CCDC39: variants seen among roughly 807,000 people sequenced by gnomAD.
The protein encoded by CCDC39 is coiled-coil domain 39 molecular ruler complex subunit, also known as coiled-coil domain-containing protein 39.
Under a neutral mutation model 121.0 loss-of-function variants are expected in CCDC39, and 113 were observed. The ratio of observed to expected loss-of-function variants is 0.93; its 90% CI spans 0.80 to 1.09. The LOEUF is 1.09. CCDC39 is among the 50% of genes least tolerant of loss of function. The pLI is 0.00. For missense variants in CCDC39, 1,063 were observed against 1,074.7 expected, an observed-to-expected ratio of 0.99 and a Z score of 0.15; for synonymous variants, 349 against 352.2, an observed-to-expected ratio of 0.99 and a Z score of 0.10.
chr3:180,674,656 A>G (rs1302375027), intron 1 of CCDC39, among the ~76,000 whole-genome samples: 3 of 152,200 alleles, frequency 2.0e-5, no homozygotes, highest in African/African-American at 4.8e-5. Context: ...ACGGCCCATC[A>G]ATACCTAATT....
chr3:180,661,679 T>C (rs1191232027), intron 3 of CCDC39, among the ~76,000 whole-genome samples, 182 bp downstream of exon 3: 1 of 152,078 alleles, frequency 6.6e-6, no homozygotes, highest in Non-Finnish European at 1.5e-5. Flanking sequence ...AAATGTACTA[T>C]TCTATTATTG....
chr3:180,677,215 T>TA (rs1553807789), intron 1 of CCDC39, among the ~76,000 whole-genome samples: 3 of 110,424 alleles, frequency 2.7e-5, no homozygotes, highest in Non-Finnish European at 5.6e-5. Flanking sequence ...TATATATATA[T>TA]AAAATCACAG....
In CCDC39 at chr3:180,647,256, A is replaced by T. The variant is rs546555133; in HGVS notation, c.1363-13T>A. On this transcript the variant is annotated splice_polypyrimidine_tract_variant and intron_variant, in intron 10 of 19. Transcript: ENST00000476379. ...GAATGTGAAAATCCTGTTACAGTTTAAAAAAAAAAAGGTATTACAAAGAAA... is the reference window on the plus strand; with the variant it reads ...GAATGTGAAAATCCTGTTACAGTTTTAAAAAAAAAAGGTATTACAAAGAAA... 125 of 830,014 alleles carry T rather than the reference A, an allele frequency of 1.5e-4. 1 individual carries two copies. Among genetic ancestry groups the T allele is most frequent in the Middle Eastern group, 5.8e-4 (2 of 3,424 alleles). The allele number at this position is 830,014 out of a possible 1,614,324, so 51.4% of individuals were successfully genotyped here.
intron 14 of CCDC39, among the ~76,000 whole-genome samples, chr3:180,627,964 T>C (rs539486675): frequency 1.3e-5 from 2 of 152,264 alleles, no homozygotes; most frequent in South Asian, 4.1e-4. Flanking sequence ...ATAACTGGTA[T>C]CCTTATTAAA....
Position 180,616,503 on chromosome 3 carries a change from G to T in CCDC39, c.2586+13C>A, listed in dbSNP as rs550990897. 1.4e-5 allele frequency: 21 copies of T among 1,516,108 alleles called. No individual in the cohort carries two copies. The South Asian group carries it at 2.6e-4, about 18-fold the overall frequency. 93.9% of individuals were successfully genotyped at this position (1,516,108 alleles called of 1,614,324 possible). The stretch of plus-strand genomic sequence containing the variant: ...AGTTTTTAAGAAATATTTAATAGAA[G>T]GTGCTGTATTACCTGTTGAAAGTAT... On this transcript the variant is annotated intron_variant, in intron 18 of 19. Coordinates refer to ENST00000476379, the MANE Select transcript of CCDC39 (RefSeq NM_181426.2).
chr3:180,626,298 A>G (rs1717559133), intron 14 of CCDC39, among the ~76,000 whole-genome samples: 1 of 152,124 alleles, frequency 6.6e-6, no homozygotes, highest in African/African-American at 2.4e-5. Context: ...ATACTTGAGT[A>G]CTTGGGGGAT....
intron 10 of CCDC39, among the ~76,000 whole-genome samples, chr3:180,647,911 A>C (rs546395117): frequency 6.6e-6 from 1 of 152,200 alleles, no homozygotes; most frequent in Middle Eastern, 3.4e-3. Context: ...CAAATGTCTC[A>C]GGTTCCTTTA....
chr3:180,654,624 TAA>T (rs75857130), intron 7 of CCDC39, 136 bp downstream of exon 7: 1,411 of 311,182 alleles, frequency 4.5e-3, no homozygotes, highest in East Asian at 6.2e-3. Context: ...AAAGAGACAT[TAA>T]AAAAAAAAAA....
chr3:180,662,839 T>A (rs1711775899), intron 2 of CCDC39, among the ~76,000 whole-genome samples: 1 of 152,180 alleles, frequency 6.6e-6, no homozygotes, highest in South Asian at 2.1e-4. Context: ...TGATTATAAA[T>A]TGCTTTTTAA....
intron 6 of CCDC39, among the ~76,000 whole-genome samples, chr3:180,655,566 TAGA>T (rs1711560491): frequency 1.3e-5 from 2 of 149,210 alleles, no homozygotes; most frequent in South Asian, 2.1e-4. Context: ...AAAGAAAAAG[TAGA>T]AGAAGAAAAA....
intron 19 of CCDC39, among the ~76,000 whole-genome samples, chr3:180,615,698 G>T (rs1022203828): frequency 8.6e-5 from 13 of 152,036 alleles, no homozygotes; most frequent in African/African-American, 2.9e-4. Flanking sequence ...GCAGGAGATT[G>T]TGAATTCTAA....
intron 3 of CCDC39, 47 bp from the exon 4 acceptor site, chr3:180,660,775 T>C (rs1189238364): frequency 1.3e-6 from 2 of 1,535,378 alleles, no homozygotes; most frequent in Admixed American, 1.9e-5. Flanking sequence ...AAAACATTAC[T>C]TACTATACAG....
At position 180,652,243 on chromosome 3, in the gene CCDC39, C is replaced by G; in HGVS notation, c.954G>C (p.Val318=). Residue 318 remains valine, a synonymous_variant, in exon 8 of 20, where the codon GTG becomes GTC. Transcript: ENST00000476379. ...KGELDSLKAT[V]NRTSSDLEAL... Reference sequence around the variant, plus strand: ...CTTCTAAATCACTGGAAGTTCTATTCACAGTGGCTTTTAAAGAATCCAGCT... The same window carrying G: ...CTTCTAAATCACTGGAAGTTCTATTGACAGTGGCTTTTAAAGAATCCAGCT... 6.5e-7 allele frequency: 1 copy of G among 1,530,202 alleles called. No homozygotes were observed. Among genetic ancestry groups the G allele is most frequent in the East Asian group, 2.5e-5 (1 of 40,198 alleles). 94.8% of individuals were successfully genotyped at this position (1,530,202 alleles called of 1,614,324 possible).
intron 13 of CCDC39, among the ~76,000 whole-genome samples, chr3:180,632,694 A>G (rs1717728916): frequency 6.6e-6 from 1 of 152,182 alleles, no homozygotes; most frequent in Admixed American, 6.5e-5. Flanking sequence ...TTTTTCATGA[A>G]TTCATGGAAA....
intron 1 of CCDC39, among the ~76,000 whole-genome samples, chr3:180,665,574 C>CT (rs1168652096): frequency 2.6e-5 from 4 of 151,462 alleles, no homozygotes; most frequent in African/African-American, 9.7e-5. Context: ...GTTTCCTGTT[C>CT]TTTTTTTAAA....
In CCDC39 at chr3:180,679,001, T is replaced by C. The variant is rs1054772449; in HGVS notation, c.90+290A>G. ...GGCGCCGGAACCAGCCTTTCCTCTC[T>C]CGCCAGGAGGAACGAAATAAGTAAG... On this transcript the variant is annotated intron_variant, in intron 1 of 19. Coordinates refer to ENST00000476379, the MANE Select transcript of CCDC39 (RefSeq NM_181426.2). This position sits in a 1 kb window ranked among gnomAD's most constrained non-coding sequence, Gnocchi z 4.0. Among the ~76,000 whole-genome samples, 15 of 152,112 alleles carry C rather than the reference T, an allele frequency of 9.9e-5. No individual in the cohort carries two copies. Among genetic ancestry groups the C allele is most frequent in the Admixed American group, 8.5e-4 (13 of 15,268 alleles).
At chr3:180,658,894 T>G (rs1248834752) in intron 6 of CCDC39, among the ~76,000 whole-genome samples, 1 of 152,168 alleles carries the variant, frequency 6.6e-6, no homozygotes, top group African/African-American at 2.4e-5. Context: ...TTTCATTCCT[T>G]AATGATTTTC....
chr3:180,666,890 C>T (rs1379465468), intron 1 of CCDC39, among the ~76,000 whole-genome samples: 1 of 152,006 alleles, frequency 6.6e-6, no homozygotes, highest in African/African-American at 2.4e-5. Context: ...CACACACACA[C>T]ACACAATCAG....
rs745505415 is a variant in CCDC39, at chr3:180,653,769, C to T, written c.930+993G>A. Among the ~76,000 whole-genome samples, 66 of 152,180 alleles carry T rather than the reference C, an allele frequency of 4.3e-4. 1 individual carries two copies. Among genetic ancestry groups the T allele is most frequent in the Admixed American group, 7.2e-4 (11 of 15,280 alleles). On this transcript the variant is annotated intron_variant, in intron 7 of 19. Coordinates refer to ENST00000476379, the MANE Select transcript of CCDC39 (RefSeq NM_181426.2). ...ACAGGGGATTGGTTCCAGGATCCCT[C>T]GCAGATACCAAAATCTACGGATGTG... is the stretch of plus-strand genomic sequence containing the variant.
Sources: allele counts gnomAD v4.1 joint callset (sites outside exome capture counted in the v4.1 genomes callset), GRCh38; gene constraint gnomAD v4.1.1; non-coding constraint Gnocchi (gnomAD v3.1); transcripts MANE v1.5; gene names NCBI Gene and HGNC (gene_info 2026-07-23, HGNC 2026-07-21).